The following NLGN1 variants were observed in gnomAD, a reference collection of about 807,000 sequenced individuals.
NLGN1 encodes the protein neuroligin-1.
A neutral mutation model predicts 65.5 loss-of-function variants in NLGN1; 12 were observed. The ratio of observed to expected loss-of-function variants is 0.18; its 90% confidence interval spans 0.12 to 0.30. The LOEUF (loss-of-function observed/expected upper bound fraction) is 0.30, where lower values mean the gene tolerates loss of function less well. Among genes scored for constraint, NLGN1 ranks in the 10% least tolerant of loss-of-function variants. The pLI is 1.00. For missense variants in NLGN1, 750 were observed against 1,007.1 expected (o/e 0.74, Z 3.46); for synonymous variants, 350 against 359.5 (o/e 0.97, Z 0.30).
chr3:173,779,759 G>A (rs1780851100), intron 3 of NLGN1, among the ~76,000 whole-genome samples: 1 of 152,114 alleles, frequency 6.6e-6, no homozygotes, highest in South Asian at 2.1e-4. Flanking sequence ...ATTTTGAGGA[G>A]AGTTGTCAGC....
chr3:173,480,886 T>G (rs1490899032), intron 2 of NLGN1, among the ~76,000 whole-genome samples: 2 of 152,110 alleles, frequency 1.3e-5, no homozygotes, highest in African/African-American at 4.8e-5. Flanking sequence ...TGGGTATGAA[T>G]AATAAGTGCT....
intron 4 of NLGN1, among the ~76,000 whole-genome samples, chr3:174,193,042 A>T (rs1449884632): frequency 6.6e-6 from 1 of 152,152 alleles, no homozygotes; most frequent in Non-Finnish European, 1.5e-5. Flanking sequence ...GTATATAACT[A>T]ATTGTCAGCT....
chr3:173,677,271 A>G (rs984211652), intron 3 of NLGN1, among the ~76,000 whole-genome samples: 2 of 152,012 alleles, frequency 1.3e-5, no homozygotes, highest in Non-Finnish European at 2.9e-5. Context: ...GTCTCTCACC[A>G]GACCCAAAGG....
At chr3:173,933,796 C>G (rs574629110) in intron 4 of NLGN1, among the ~76,000 whole-genome samples, 1 of 152,182 alleles carries the variant, frequency 6.6e-6, no homozygotes, top group African/African-American at 2.4e-5. Context: ...TGAATAACAT[C>G]AAGCAAATTC....
chr3:174,182,590 G>C (rs1051244721), intron 4 of NLGN1, among the ~76,000 whole-genome samples: 1 of 152,164 alleles, frequency 6.6e-6, no homozygotes, highest in Admixed American at 6.6e-5. Context: ...CCCAGGAGAC[G>C]TGGGTGCCAC....
intron 4 of NLGN1, among the ~76,000 whole-genome samples, chr3:174,089,377 A>G (rs543838706): frequency 6.6e-6 from 1 of 152,118 alleles, no homozygotes; most frequent in South Asian, 2.1e-4. Flanking sequence ...CCTTCCTTCC[A>G]CTAAAACTTG....
chr3:173,614,253 C>A (rs1752723035), intron 3 of NLGN1, among the ~76,000 whole-genome samples: 1 of 152,008 alleles, frequency 6.6e-6, no homozygotes, highest in African/African-American at 2.4e-5. Context: ...ATGAACAGGA[C>A]AGGTTGACAC....
At chr3:173,563,299 G>A (rs1157635398) in intron 2 of NLGN1, among the ~76,000 whole-genome samples, 2 of 152,300 alleles carry the variant, frequency 1.3e-5, no homozygotes, top group East Asian at 3.9e-4. Context: ...TTGATAATGT[G>A]CATGCACTTG....
chr3:173,953,897 C>T (rs962299571), intron 4 of NLGN1, among the ~76,000 whole-genome samples: 1 of 152,076 alleles, frequency 6.6e-6, no homozygotes, highest in Non-Finnish European at 1.5e-5. Flanking sequence ...CCCCATTTTA[C>T]TATCAAAAGT....
rs149197030 is a variant in NLGN1 at position 173,814,189 on chromosome 3, C to A, written c.646+6357C>A. ...GTCATAACTTCATAAGTGCTCATAA[C>A]TTCTATAATATCATTTTAGCAAAGA... On this transcript the variant is annotated intron_variant, in intron 4 of 6. Coordinates refer to ENST00000457714, the Ensembl canonical transcript of NLGN1. 1.2e-3 allele frequency among the ~76,000 whole-genome samples: 179 copies of A among 152,358 alleles called. 1 individual carries two copies. The highest frequency in any genetic ancestry group is 4.1e-3 in the African/African-American group (170 of 41,586).
intron 4 of NLGN1, among the ~76,000 whole-genome samples, chr3:174,134,959 C>T (rs979998167): frequency 2.0e-5 from 3 of 152,160 alleles, no homozygotes; most frequent in Admixed American, 1.3e-4. Flanking sequence ...GATATTTATG[C>T]TTCCTTTTCA....
At chr3:174,172,752 A>T (rs574168436) in intron 4 of NLGN1, among the ~76,000 whole-genome samples, 4 of 152,116 alleles carry the variant, frequency 2.6e-5, no homozygotes, top group Non-Finnish European at 5.9e-5. Flanking sequence ...AGGGAATGTC[A>T]TTCCTCCAGT....
chr3:173,458,268 T>A (rs1722824279), intron 2 of NLGN1, among the ~76,000 whole-genome samples: 1 of 150,848 alleles, frequency 6.6e-6, no homozygotes, highest in Non-Finnish European at 1.5e-5. Context: ...TTTTGCTTTG[T>A]TTTGTTTTGT....
intron 2 of NLGN1, among the ~76,000 whole-genome samples, chr3:173,532,138 CT>C (rs763342740): frequency 1.6e-4 from 24 of 152,246 alleles, no homozygotes; most frequent in Admixed American, 3.9e-4. Context: ...AATCCCAGAG[CT>C]TTTACTCTGT....
At chr3:173,717,091 T>C (rs1194482102) in intron 3 of NLGN1, among the ~76,000 whole-genome samples, 1 of 152,134 alleles carries the variant, frequency 6.6e-6, no homozygotes, top group Non-Finnish European at 1.5e-5. Context: ...TTGCACTGCA[T>C]TGTCATGAGA....
At chr3:174,041,715 C>T (rs1041214572) in intron 4 of NLGN1, among the ~76,000 whole-genome samples, 17 of 152,048 alleles carry the variant, frequency 1.1e-4, no homozygotes, top group Admixed American at 4.6e-4. Flanking sequence ...AGCACTTTTT[C>T]GTGTGTTTAT....
intron 4 of NLGN1, among the ~76,000 whole-genome samples, chr3:174,033,848 TAGAA>T (rs1730551289): frequency 6.6e-6 from 1 of 151,978 alleles, no homozygotes; most frequent in Non-Finnish European, 1.5e-5. Flanking sequence ...ATTGTAATAA[TAGAA>T]AGGGAAGAAA....
intron 4 of NLGN1, among the ~76,000 whole-genome samples, chr3:173,808,128 CCTT>C (rs1240858230): frequency 2.6e-5 from 4 of 151,982 alleles, no homozygotes; most frequent in East Asian, 1.9e-4. Context: ...ACAAATATTT[CCTT>C]CTTCTGCTTT....
intron 3 of NLGN1, among the ~76,000 whole-genome samples, chr3:173,795,304 G>A (rs1455923463): frequency 2.6e-5 from 4 of 151,876 alleles, no homozygotes; most frequent in African/African-American, 9.7e-5. Flanking sequence ...TTTTAGTTTA[G>A]CATAATACAA....
Sources: allele counts gnomAD v4.1 joint callset (sites outside exome capture counted in the v4.1 genomes callset), GRCh38; gene constraint gnomAD v4.1.1; transcripts MANE v1.5; gene names NCBI Gene and HGNC (gene_info 2026-07-23, HGNC 2026-07-21).